ZNF469: variants seen among roughly 807,000 people sequenced by gnomAD.
ZNF469 encodes the protein zinc finger protein 469.
In ZNF469, 1 loss-of-function variant was observed where a neutral mutation model predicts 1.0. The ratio of observed to expected loss-of-function variants is 1.00; its 90% CI spans 0.35 to 4.73. The LOEUF (loss-of-function observed/expected upper bound fraction) is 4.73, where lower values mean the gene tolerates loss of function less well. Ranked by LOEUF, ZNF469 falls within the 30% of genes most tolerant of loss-of-function variation. The pLI is 0.16. For synonymous variants in ZNF469, 2,703 were observed against 2,363.4 expected, an observed-to-expected ratio of 1.14 and a Z score of -4.17; for missense variants, 6,100 against 5,356.3, an observed-to-expected ratio of 1.14 and a Z score of -4.33.
At chr16:88,249,423 CTTTTTCTT>C in the ZNF469 span, among the ~76,000 whole-genome samples, 37 of 61,744 alleles carry the variant, frequency 6.0e-4, no homozygotes, top group African/African-American at 2.4e-3. Context: ...CTTTCTTTTT[CTTTTTCTT>C]TTTTTTTTTT....
At chr16:88,108,810 G>A in the ZNF469 span, among the ~76,000 whole-genome samples, 1 of 152,198 alleles carries the variant, frequency 6.6e-6, no homozygotes, top group Non-Finnish European at 1.5e-5. Context: ...CCTGCTCCAG[G>A]GGAGTCCAGT....
intron 1 of ZNF469, among the ~76,000 whole-genome samples, chr16:88,386,434 C>G (rs1050754259): frequency 6.6e-6 from 1 of 152,176 alleles, no homozygotes; most frequent in African/African-American, 2.4e-5. Flanking sequence ...ACATCACCCC[C>G]ACCCTCGTGG....
chr16:88,235,604 C>T, the ZNF469 span, among the ~76,000 whole-genome samples: 1 of 152,346 alleles, frequency 6.6e-6, no homozygotes, highest in South Asian at 2.1e-4. Flanking sequence ...CCTTCCTTGT[C>T]TTGAATTCCT....
chr16:88,398,267 G>A lies in ZNF469; in HGVS notation c.-192+15013G>A, dbSNP rs371874075. Reference sequence around the variant, plus strand: ...ACACACGCAAGACACCACAAGCCACGGACAAAGGGAAACGTGAACCACAGA... The same window carrying A: ...ACACACGCAAGACACCACAAGCCACAGACAAAGGGAAACGTGAACCACAGA... On this transcript the variant is annotated intron_variant, in intron 1 of 2. Transcript: ENST00000565624. 1.1e-4 allele frequency among the ~76,000 whole-genome samples: 16 copies of A among 152,318 alleles called. No homozygotes were observed. In the East Asian group the frequency reaches 1.7e-3, roughly 17 times the overall value.
the ZNF469 span, among the ~76,000 whole-genome samples, chr16:88,362,323 A>G: frequency 3.9e-5 from 6 of 152,344 alleles, no homozygotes; most frequent in East Asian, 7.7e-4. Flanking sequence ...CTGTTCACCC[A>G]TGTAGTTACC....
At chr16:88,386,516 C>T (rs1198730210) in intron 1 of ZNF469, among the ~76,000 whole-genome samples, 2 of 152,164 alleles carry the variant, frequency 1.3e-5, no homozygotes, top group African/African-American at 2.4e-5. Flanking sequence ...TCCCATCTAC[C>T]CTGCAAGGCC....
chr16:88,350,108 C>A, the ZNF469 span, among the ~76,000 whole-genome samples: 8 of 152,302 alleles, frequency 5.3e-5, no homozygotes, highest in East Asian at 1.6e-3. Flanking sequence ...CCTCCCGCCC[C>A]CCTTGGGGCG....
chr16:88,284,638 C>T, the ZNF469 span, among the ~76,000 whole-genome samples: 1 of 146,818 alleles, frequency 6.8e-6, no homozygotes, highest in Non-Finnish European at 1.5e-5. Context: ...AAAGAACAGG[C>T]TCCTGTAAAA....
chr16:88,128,626 C>T, the ZNF469 span, among the ~76,000 whole-genome samples: 1 of 152,216 alleles, frequency 6.6e-6, no homozygotes. Context: ...CCCGCAGAGG[C>T]AGGGGCTTCT....
chr16:88,168,867 G>A, the ZNF469 span, among the ~76,000 whole-genome samples: 36 of 152,302 alleles, frequency 2.4e-4, no homozygotes, highest in African/African-American at 7.2e-4. This position sits in a 1 kb window ranked among gnomAD's most constrained non-coding sequence, Gnocchi z 4.3. Context: ...AAGCCAAGGC[G>A]TGAGGATCGC....
the ZNF469 span, among the ~76,000 whole-genome samples, chr16:88,128,642 C>A: frequency 6.6e-6 from 1 of 152,238 alleles, no homozygotes; most frequent in East Asian, 1.9e-4. Context: ...CTTCTCTCCC[C>A]CGACCCAGGT....
the ZNF469 span, among the ~76,000 whole-genome samples, chr16:88,132,333 G>A: frequency 5.9e-5 from 9 of 152,236 alleles, no homozygotes. Flanking sequence ...TCGGCTCCCC[G>A]CGGTGACTGG....
At chr16:88,328,343 C>A in the ZNF469 span, among the ~76,000 whole-genome samples, 1 of 152,210 alleles carries the variant, frequency 6.6e-6, no homozygotes, top group African/African-American at 2.4e-5. Context: ...TATGACGGCT[C>A]CCAGCCTGCA....
chr16:88,207,745 A>C, the ZNF469 span, among the ~76,000 whole-genome samples: 6 of 141,916 alleles, frequency 4.2e-5, 1 homozygote, highest in East Asian at 1.1e-3. Context: ...TCCCGTCCCC[A>C]CCTTAATGGT....
At chr16:88,302,347 G>C in the ZNF469 span, 1 of 152,248 alleles carries the variant, frequency 6.6e-6, no homozygotes, top group Non-Finnish European at 1.5e-5. Flanking sequence ...TCTCACTCAA[G>C]ATAAAATTCA....
the ZNF469 span, among the ~76,000 whole-genome samples, chr16:88,121,059 G>T: frequency 6.6e-6 from 1 of 151,710 alleles, no homozygotes; most frequent in South Asian, 2.1e-4. Flanking sequence ...ACAGTGGGGT[G>T]GGGTGCTGGT....
the ZNF469 span, among the ~76,000 whole-genome samples, chr16:88,369,877 C>G: frequency 6.6e-6 from 1 of 152,252 alleles, no homozygotes; most frequent in East Asian, 1.9e-4. Flanking sequence ...CCACCGCGCC[C>G]TCAGAAACCA....
the ZNF469 span, among the ~76,000 whole-genome samples, chr16:88,157,567 C>T: frequency 3.9e-5 from 6 of 152,038 alleles, no homozygotes; most frequent in Admixed American, 3.9e-4. Context: ...CACCCCCTCC[C>T]AAGGCCCCCA....
the ZNF469 span, among the ~76,000 whole-genome samples, chr16:88,190,037 A>G: frequency 8.6e-6 from 1 of 116,222 alleles, no homozygotes; most frequent in Non-Finnish European, 1.6e-5. Flanking sequence ...TACTTCCTCT[A>G]CTTTTCTCTC....
Sources: allele counts gnomAD v4.1 joint callset (sites outside exome capture counted in the v4.1 genomes callset), GRCh38; gene constraint gnomAD v4.1.1; non-coding constraint Gnocchi (gnomAD v3.1); transcripts MANE v1.5; gene names NCBI Gene and HGNC (gene_info 2026-07-23, HGNC 2026-07-21).